Variants in TCF7L2 observed in about 807,000 individuals in gnomAD.
TCF7L2 encodes the protein transcription factor 7 like 2.
TCF7L2 carries 23 observed loss-of-function variants against 77.9 expected under a neutral mutation model. The observed-to-expected ratio is 0.30, with a 90% confidence interval of 0.21 to 0.42. The LOEUF is 0.42. Ranked by LOEUF, TCF7L2 falls within the 10% of genes least tolerant of loss-of-function variation. The pLI is 1.00. For missense variants in TCF7L2, 654 were observed against 793.1 expected (o/e 0.82, Z 2.11); for synonymous variants, 413 against 340.2 (o/e 1.21, Z -2.36).
intron 13 of TCF7L2, among the ~76,000 whole-genome samples, chr10:113,164,627 TA>T (rs2137597356): frequency 6.6e-6 from 1 of 152,038 alleles, no homozygotes; most frequent in African/African-American, 2.4e-5. Flanking sequence ...GTTTGAATCT[TA>T]ATTTAATCCA....
chr10:113,116,465 A>G (rs1374334782), intron 5 of TCF7L2, among the ~76,000 whole-genome samples: 1 of 152,238 alleles, frequency 6.6e-6, no homozygotes, highest in East Asian at 1.9e-4. Flanking sequence ...CTCTGTTAAA[A>G]GCATATTTGA....
chr10:113,013,159 C>T (rs560408946), intron 4 of TCF7L2, among the ~76,000 whole-genome samples: 11 of 148,446 alleles, frequency 7.4e-5, no homozygotes, highest in African/African-American at 2.5e-4. Flanking sequence ...TGCTCTGTCA[C>T]CCAGGCTGGA....
intron 5 of TCF7L2, among the ~76,000 whole-genome samples, chr10:113,074,937 A>C (rs2058524162): frequency 6.6e-6 from 1 of 152,244 alleles, no homozygotes; most frequent in African/African-American, 2.4e-5. Flanking sequence ...CAACAGTGCC[A>C]AAGCTGAGAA....
At chr10:112,979,361 GC>G (rs2040048168) in intron 4 of TCF7L2, among the ~76,000 whole-genome samples, 2 of 152,110 alleles carry the variant, frequency 1.3e-5, no homozygotes, top group South Asian at 4.1e-4. Context: ...CACATTGAGT[GC>G]CCATTCCGGG....
At chr10:113,077,366 C>T (rs2058801376) in intron 5 of TCF7L2, among the ~76,000 whole-genome samples, 1 of 152,096 alleles carries the variant, frequency 6.6e-6, no homozygotes, top group African/African-American at 2.4e-5. Flanking sequence ...TGCAGTTCAC[C>T]CATTTAAAGT....
intron 5 of TCF7L2, among the ~76,000 whole-genome samples, chr10:113,111,867 CTTGT>C (rs1424986003): frequency 6.6e-6 from 1 of 152,112 alleles, no homozygotes; most frequent in Non-Finnish European, 1.5e-5. Context: ...ATCCTCTGAG[CTTGT>C]TTGTTTTTCT....
intron 4 of TCF7L2, among the ~76,000 whole-genome samples, chr10:113,015,644 TA>T (rs1343278929): frequency 6.6e-6 from 1 of 151,950 alleles, no homozygotes; most frequent in Non-Finnish European, 1.5e-5. Context: ...CCTGGCTAAT[TA>T]AAAAAAATTT....
intron 5 of TCF7L2, among the ~76,000 whole-genome samples, chr10:113,114,465 T>G (rs1260992521): frequency 6.6e-6 from 1 of 151,946 alleles, no homozygotes; most frequent in Non-Finnish European, 1.5e-5. Flanking sequence ...CTTAGTGGAG[T>G]CAATGGTGTG....
At chr10:113,026,381 G>C (rs1314420630) in intron 4 of TCF7L2, among the ~76,000 whole-genome samples, 4 of 150,596 alleles carry the variant, frequency 2.7e-5, no homozygotes, top group Admixed American at 2.6e-4. Context: ...GGCTCCTCTT[G>C]AACTTCTGAC....
chr10:113,082,234 C>T (rs1377694882), intron 5 of TCF7L2, among the ~76,000 whole-genome samples: 1 of 151,724 alleles, frequency 6.6e-6, no homozygotes, highest in Non-Finnish European at 1.5e-5. Flanking sequence ...AAGCCTTGAC[C>T]TTCACATATA....
intron 4 of TCF7L2, among the ~76,000 whole-genome samples, chr10:112,986,610 C>T (rs2135359177): frequency 6.6e-6 from 1 of 152,270 alleles, no homozygotes. Context: ...AATCGGTCTG[C>T]ACACTTATAA....
rs558779463 is a variant in TCF7L2 at position 113,144,110 on chromosome 10, G to C, written c.788+85G>C. On this transcript the variant is annotated intron_variant, in intron 7 of 13. Transcript: ENST00000627217. Reference sequence around the variant, plus strand: ...ATTCTGTGTGTGTGTCTGTGTGTGTGTGTGTGTGTGTGTGTGTGTGTGTGT... The same window carrying C: ...ATTCTGTGTGTGTGTCTGTGTGTGTCTGTGTGTGTGTGTGTGTGTGTGTGT... 1,335 of 486,286 alleles carry C rather than the reference G, an allele frequency of 2.7e-3. 7 individuals carry two copies. The highest frequency in any genetic ancestry group is 0.022 in the African/African-American group (936 of 42,282). 30.1% of individuals were successfully genotyped at this position (486,286 alleles called of 1,614,324 possible). A position where few individuals can be genotyped will look rare whatever the true frequency, so the allele number is the denominator to read the frequency against.
chr10:113,002,609 G>A (rs974270609), intron 4 of TCF7L2, among the ~76,000 whole-genome samples: 7 of 152,140 alleles, frequency 4.6e-5, no homozygotes. Context: ...CATGATCGCT[G>A]TGGGGGATGC....
intron 5 of TCF7L2, among the ~76,000 whole-genome samples, chr10:113,061,628 C>T (rs1340808414): frequency 2.0e-5 from 3 of 152,136 alleles, no homozygotes; most frequent in Admixed American, 6.6e-5. Flanking sequence ...AAGGGAGGGC[C>T]GTGTCACCTA....
chr10:113,143,358 T>C (rs2068732409), intron 6 of TCF7L2, among the ~76,000 whole-genome samples: 1 of 152,238 alleles, frequency 6.6e-6, no homozygotes, highest in South Asian at 2.1e-4. Flanking sequence ...CTGCCTTAGA[T>C]AAGATGCCAG....
At chr10:113,144,899 G>A (rs111909957) in intron 7 of TCF7L2, among the ~76,000 whole-genome samples, 3 of 152,134 alleles carry the variant, frequency 2.0e-5, no homozygotes, top group South Asian at 2.1e-4. Context: ...TATGTGTTTC[G>A]TGATTGTTTC....
chr10:113,035,488 T>G (rs2051018443), intron 4 of TCF7L2, among the ~76,000 whole-genome samples: 1 of 152,234 alleles, frequency 6.6e-6, no homozygotes, highest in African/African-American at 2.4e-5. Context: ...GTTCTCATTT[T>G]GTCACCCAGG....
intron 6 of TCF7L2, 110 bp downstream of exon 6, chr10:113,141,426 G>C: frequency 1.3e-6 from 2 of 1,481,606 alleles, no homozygotes; most frequent in African/African-American, 1.4e-5. Context: ...GACTTTGGGG[G>C]AACGGTGGTG....
chr10:113,094,392 C>T (rs954562095), intron 5 of TCF7L2, among the ~76,000 whole-genome samples: 4 of 152,126 alleles, frequency 2.6e-5, no homozygotes, highest in African/African-American at 9.7e-5. Flanking sequence ...TTCCTGGGTA[C>T]TGTATTTTTC....
Sources: allele counts gnomAD v4.1 joint callset (sites outside exome capture counted in the v4.1 genomes callset), GRCh38; gene constraint gnomAD v4.1.1; transcripts MANE v1.5; gene names NCBI Gene and HGNC (gene_info 2026-07-23, HGNC 2026-07-21).